Variants in AGBL2 observed in about 807,000 individuals in gnomAD.
The protein encoded by AGBL2 is AGBL carboxypeptidase 2.
In AGBL2, 87 loss-of-function variants were observed where a neutral mutation model predicts 103.0. The observed-to-expected ratio is 0.84, with a 90% CI of 0.71 to 1.01. The LOEUF is 1.01. Ranked by LOEUF, AGBL2 falls within the 50% of genes least tolerant of loss-of-function variation. AGBL2 has a pLI of 0.00. For synonymous variants in AGBL2, 335 were observed against 356.7 expected (o/e 0.94, Z 0.69); for missense variants, 904 against 1,023.5 (o/e 0.88, Z 1.59).
intron 3 of AGBL2, among the ~76,000 whole-genome samples, chr11:47,711,313 C>A (rs2097535817): frequency 6.6e-6 from 1 of 152,122 alleles, no homozygotes; most frequent in South Asian, 2.1e-4. Context: ...ATTGTCACGA[C>A]ACCCAGATAG....
intron 14 of AGBL2, among the ~76,000 whole-genome samples, chr11:47,674,135 A>G (rs1172647093): frequency 2.6e-5 from 4 of 152,128 alleles, no homozygotes; most frequent in Non-Finnish European, 4.4e-5. Flanking sequence ...AAAGACTTAA[A>G]TGATACAGAA....
intron 7 of AGBL2, among the ~76,000 whole-genome samples, chr11:47,701,662 C>CA (rs2097499659): frequency 6.6e-6 from 1 of 151,540 alleles, no homozygotes; most frequent in Admixed American, 6.6e-5. Context: ...TGTGTCTCTA[C>CA]AAAAAAACTA....
intron 6 of AGBL2, 52 bp from the exon 7 acceptor site, chr11:47,704,780 C>T (rs757783309): frequency 7.0e-7 from 1 of 1,422,182 alleles, no homozygotes; most frequent in Non-Finnish European, 9.8e-7. Context: ...TCCTTGGGAA[C>T]TTTACTGCTC....
intron 13 of AGBL2, among the ~76,000 whole-genome samples, chr11:47,678,259 G>A (rs1331756839): frequency 2.6e-5 from 4 of 151,178 alleles, no homozygotes; most frequent in African/African-American, 9.7e-5. Context: ...ATCATGCCTG[G>A]CTGCCAACTT....
At chr11:47,667,490 T>TA in intron 16 of AGBL2, 81 bp downstream of exon 16, 3 of 1,527,812 alleles carry the variant, frequency 2.0e-6, no homozygotes, top group Middle Eastern at 2.1e-4. Context: ...TGGTTTAGAG[T>TA]AAACTTTAAC....
rs1554968232 is a variant in AGBL2, at chr11:47,706,890, C to CATAA, written c.233-974_233-973insTTAT. On this transcript the variant is annotated intron_variant, in intron 4 of 18. Transcript: ENST00000525123. ...ATGGTGAAACCCTGTCTCTACTATT[C>CATAA]CAAAAAAAAAAAAAAAAAAAAAAGA... is the stretch of plus-strand genomic sequence containing the variant. Among the ~76,000 whole-genome samples the CATAA allele has an allele frequency of 1.7e-4, 9 of 53,240 alleles. 2 individuals are homozygous for CATAA. Among genetic ancestry groups the CATAA allele is most frequent in the East Asian group, 1.5e-3 (3 of 2,008 alleles). The allele number at this position is 53,240 out of a possible 152,430, so 34.9% of individuals were successfully genotyped here. A position where few individuals can be genotyped will look rare whatever the true frequency, so the allele number is the denominator to read the frequency against.
rs1306432991 is a variant in AGBL2, at chr11:47,703,962, G to GT, written c.586+580dup. ...AAAACAAAAAAAAAACTAGCCAGGC[G>GT]TGGTGGCCAGGCATCTGTAATCCCA... is the stretch of plus-strand genomic sequence containing the variant. On this transcript the variant is annotated intron_variant, in intron 7 of 18. Transcript: ENST00000525123. 4.0e-5 allele frequency among the ~76,000 whole-genome samples: 6 copies of GT among 150,570 alleles called. No homozygotes were observed. The East Asian group carries it at 1.2e-3, about 30-fold the overall frequency.
chr11:47,696,749 G>A (rs1310325363), intron 8 of AGBL2, among the ~76,000 whole-genome samples: 7 of 151,694 alleles, frequency 4.6e-5, no homozygotes, highest in Non-Finnish European at 7.4e-5. Flanking sequence ...TTTTTGATTT[G>A]TACAGGTTTG....
At position 47,690,686 on chromosome 11, in the gene AGBL2, A is replaced by G; in HGVS notation, c.1021T>C (p.Tyr341His). Residue 341 changes from tyrosine to histidine, a missense_variant, in exon 10 of 19, where the codon TAC (tyrosine) becomes CAC (histidine). Coordinates refer to ENST00000525123, the MANE Select transcript of AGBL2 (RefSeq NM_024783.4). ...LYTVGMKPLL[Y>H]SQLDANTRNI... ...CGGGTGTTGGCATCCAATTGGGAGT[A>G]CAAGAGTGGCTTCATCCCTACAGTA... 1.2e-6 allele frequency: 2 copies of G among 1,613,992 alleles called. No individual in the cohort carries two copies. Among genetic ancestry groups the G allele is most frequent in the South Asian group, 1.1e-5 (1 of 91,086 alleles).
At position 47,666,844 on chromosome 11, in the gene AGBL2, T is replaced by A. The variant is rs749440983; in HGVS notation, c.2448+112A>T. On this transcript the variant is annotated intron_variant, in intron 17 of 18. Coordinates refer to ENST00000525123, the MANE Select transcript of AGBL2 (RefSeq NM_024783.4). ...TGTTTTCTTGCTCCCAGTGGCACTG[T>A]CAGGTTAGGGTAACGTAAATGGCTA... is the stretch of plus-strand genomic sequence containing the variant. 30 of 748,548 alleles carry A rather than the reference T, an allele frequency of 4.0e-5. No individual in the cohort carries two copies. The Admixed American group carries it at 6.1e-4, about 15-fold the overall frequency. The allele number at this position is 748,548 out of a possible 1,614,324, so 46.4% of individuals were successfully genotyped here.
At position 47,704,540 on chromosome 11, in the gene AGBL2, T is replaced by C. The variant is rs1343920364; in HGVS notation, c.586+3A>G. Reference sequence around the variant, plus strand: ...CAAGACCACTGTGAGTAAGTCATATTACCAATATGATGGATGTTTTCCTTG... The same window carrying C: ...CAAGACCACTGTGAGTAAGTCATATCACCAATATGATGGATGTTTTCCTTG... On this transcript the variant is annotated splice_donor_region_variant and intron_variant, in intron 7 of 18. Coordinates refer to ENST00000525123, the MANE Select transcript of AGBL2 (RefSeq NM_024783.4). 1 of 1,609,264 alleles carries C rather than the reference T, an allele frequency of 6.2e-7. No homozygotes were observed. The highest frequency in any genetic ancestry group is 1.1e-5 in the South Asian group (1 of 90,550).
chr11:47,710,122 C>T (rs1459219645), intron 4 of AGBL2: 3 of 409,140 alleles, frequency 7.3e-6, no homozygotes, highest in Non-Finnish European at 1.4e-5. Flanking sequence ...CTCCTAACCT[C>T]AAGTGATCCT....
At chr11:47,674,821 C>T (rs925760586) in intron 14 of AGBL2, among the ~76,000 whole-genome samples, 7 of 151,710 alleles carry the variant, frequency 4.6e-5, no homozygotes, top group East Asian at 2.0e-4. Context: ...CTGCAACCTC[C>T]GTCTCCGGGT....
At chr11:47,713,344 CAAA>C (rs71045506) in intron 3 of AGBL2, among the ~76,000 whole-genome samples, 4 of 55,580 alleles carry the variant, frequency 7.2e-5, no homozygotes, top group Non-Finnish European at 1.1e-4. Context: ...GACTCTATCG[CAAA>C]AAAAAAAAAA....
intron 7 of AGBL2, among the ~76,000 whole-genome samples, chr11:47,700,911 A>T (rs1419404101): frequency 6.6e-6 from 1 of 151,460 alleles, no homozygotes; most frequent in Non-Finnish European, 1.5e-5. Context: ...AAATACAAAA[A>T]TTAGCCGAGT....
chr11:47,705,559 T>A lies in AGBL2; in HGVS notation c.362A>T (p.Asp121Val), dbSNP rs1362483107. ...SLQPPPPRFK[D>V]SPASAFRVAG... ...TACTCGGAAAGCTGAGGCAGGAGAA[T>A]CCTTGAATCTGGGAGGTGGAGGTTG... The change falls in exon 6 of 19, where the codon GAT becomes GTT. Residue 121 changes from aspartate (D) to valine (V), a missense_variant. Asp to Val is a radical substitution (Grantham distance 152). Coordinates refer to ENST00000525123, the MANE Select transcript of AGBL2 (RefSeq NM_024783.4). The A allele has an allele frequency of 4.5e-6, 2 of 441,552 alleles. No individual in the cohort carries two copies. The highest frequency in any genetic ancestry group is 4.2e-5 in the African/African-American group (2 of 48,190). 27.4% of individuals were successfully genotyped at this position (441,552 alleles called of 1,614,324 possible).
chr11:47,706,737 G>C (rs1464809710), intron 4 of AGBL2, among the ~76,000 whole-genome samples: 2 of 151,522 alleles, frequency 1.3e-5, no homozygotes, highest in Non-Finnish European at 2.9e-5. Context: ...ATATGAAAAG[G>C]CTTTCTCTTT....
chr11:47,711,648 C>G (rs1468162307), intron 3 of AGBL2, among the ~76,000 whole-genome samples: 2 of 152,184 alleles, frequency 1.3e-5, no homozygotes, highest in East Asian at 3.8e-4. Context: ...TTTCTCCTGC[C>G]TCCGCCTTCC....
chr11:47,686,227 C>A (rs1427440374), intron 10 of AGBL2, among the ~76,000 whole-genome samples, 178 bp from the exon 11 acceptor site: 2 of 152,068 alleles, frequency 1.3e-5, no homozygotes, highest in African/African-American at 2.4e-5. Context: ...GAAAACATGT[C>A]ATCAGCTTGC....
Sources: gnomAD v4.1 joint callset for allele counts (sites outside exome capture counted in the v4.1 genomes callset) on GRCh38, gnomAD v4.1.1 for gene constraint, MANE v1.5 for transcripts, NCBI Gene and HGNC (gene_info 2026-07-23, HGNC 2026-07-21) for gene names.